Variants in ZFHX3 observed in about 807,000 individuals in gnomAD.
ZFHX3 encodes the protein zinc finger homeobox 3, also known as zinc finger homeobox protein 3.
A neutral mutation model predicts 279.1 loss-of-function variants in ZFHX3; 42 were observed. The observed-to-expected ratio is 0.15, with a 90% CI of 0.12 to 0.19. The LOEUF (loss-of-function observed/expected upper bound fraction) is 0.19. Ranked by LOEUF, ZFHX3 falls within the 10% of genes least tolerant of loss-of-function variation. The pLI is 1.00. For synonymous variants in ZFHX3, 2,293 were observed against 1,957.8 expected, an observed-to-expected ratio of 1.17 and a Z score of -4.52; for missense variants, 4,981 against 4,754.0, an observed-to-expected ratio of 1.05 and a Z score of -1.40.
Position 73,014,129 on chromosome 16 carries a change from C to A in ZFHX3, c.-50+33623G>T, listed in dbSNP as rs544805011. On this transcript the variant is annotated intron_variant, in intron 1 of 9. Coordinates refer to ENST00000268489, the MANE Select transcript of ZFHX3 (RefSeq NM_006885.4). ...GACACAGAGTGATGTGAGGAAGGGG[C>A]CATCAACCCAGAAATGTGGGGGCCT... Among the ~76,000 whole-genome samples, 58 of 152,170 alleles carry A rather than the reference C, an allele frequency of 3.8e-4. No individual in the cohort carries two copies. In the South Asian group the frequency reaches 0.012, roughly 32 times the overall value.
chr16:73,066,572 C>G (rs1965756981), intron 8 of ZFHX3, among the ~76,000 whole-genome samples: 1 of 151,824 alleles, frequency 6.6e-6, no homozygotes. Context: ...TAGGGCATGG[C>G]CCAACGGCCC....
At chr16:73,296,467 G>A (rs796911260) in intron 4 of ZFHX3, among the ~76,000 whole-genome samples, 36 of 152,240 alleles carry the variant, frequency 2.4e-4, no homozygotes, top group African/African-American at 8.4e-4. Context: ...TCCTAATATG[G>A]TGATAATCTA....
At chr16:72,930,407 A>T (rs1398538390) in intron 3 of ZFHX3, among the ~76,000 whole-genome samples, 1 of 152,116 alleles carries the variant, frequency 6.6e-6, no homozygotes, top group Non-Finnish European at 1.5e-5. Flanking sequence ...AAGAAAAATA[A>T]ACATAAGCTT....
chr16:73,715,642 G>A (rs921639276), intron 1 of ZFHX3, among the ~76,000 whole-genome samples: 18 of 140,368 alleles, frequency 1.3e-4, no homozygotes, highest in African/African-American at 2.2e-4. Context: ...GTGCGATCTC[G>A]GCTCTCTGCA....
intron 2 of ZFHX3, among the ~76,000 whole-genome samples, chr16:73,471,053 T>C (rs1023439918): frequency 6.6e-6 from 1 of 152,246 alleles, no homozygotes; most frequent in East Asian, 1.9e-4. Flanking sequence ...TTTTTTTCTT[T>C]AAATATTTCT....
Position 72,957,547 on chromosome 16 carries a change from C to T in ZFHX3, c.2599G>A (p.Ala867Thr), listed in dbSNP as rs772007732. ...AEAELYQYYL[A>T]QNMNLPNLKM... ...AGGTTGGGCAGGTTCATGTTCTGGG[C>T]CAGGTAGTATTGGTAGAGCTCGGCC... Residue 867 changes from alanine (A) to threonine (T), a missense_variant, in exon 2 of 10, where the codon GCC becomes ACC. Physicochemically the swap from Ala to Thr is moderately conservative, Grantham distance 58. Around this residue, in one of 7 missense-constraint regions of ZFHX3, gnomAD observed 1,751 missense variants for 1,770.0 expected, o/e 0.99. Transcript: ENST00000268489. The T allele has an allele frequency of 1.2e-6, 2 of 1,614,062 alleles. No homozygotes were observed. The highest frequency in any genetic ancestry group is 1.3e-5 in the African/African-American group (1 of 74,906).
intron 3 of ZFHX3, among the ~76,000 whole-genome samples, chr16:72,917,711 A>G (rs1368505890): frequency 6.6e-6 from 1 of 152,250 alleles, no homozygotes; most frequent in Non-Finnish European, 1.5e-5. Flanking sequence ...CCAAAATGAC[A>G]TATACCAAAA....
chr16:73,614,509 G>T (rs765144402), intron 2 of ZFHX3, among the ~76,000 whole-genome samples: 1 of 151,888 alleles, frequency 6.6e-6, no homozygotes, highest in African/African-American at 2.4e-5. Flanking sequence ...AAGATTCCAC[G>T]GGCACTATAT....
rs780802673 is a variant in ZFHX3 at position 72,811,793 on chromosome 16, C to A, written c.3664-16G>T. ...ACTGGTACATCTGTGGGGAACACAC[C>A]CACTGCTTTGAGCAACTGTGTGTGC... is the stretch of plus-strand genomic sequence containing the variant. On this transcript the variant is annotated splice_polypyrimidine_tract_variant and intron_variant, in intron 6 of 9. Coordinates refer to ENST00000268489, the MANE Select transcript of ZFHX3 (RefSeq NM_006885.4). 1.2e-6 allele frequency: 2 copies of A among 1,609,608 alleles called. No homozygotes were observed. The highest frequency in any genetic ancestry group is 1.1e-5 in the South Asian group (1 of 90,586).
intron 5 of ZFHX3, among the ~76,000 whole-genome samples, chr16:72,828,213 C>T (rs964691407): frequency 2.0e-5 from 3 of 152,140 alleles, no homozygotes; most frequent in Non-Finnish European, 2.9e-5. Flanking sequence ...TAAACATTTT[C>T]TCAAAAACAA....
At position 73,512,272 on chromosome 16, in the gene ZFHX3, C is replaced by CA. The variant is rs3087038; in HGVS notation, c.-1546-56015dup. ...GTGAAACCCTGTCTCCACTAAAATA[C>CA]AAAAAAAAAAAAAAAAAAAAAAAAA... On this transcript the variant is annotated intron_variant, in intron 2 of 17. Coordinates refer to the ZFHX3 transcript ENST00000641206. 4.9e-3 allele frequency among the ~76,000 whole-genome samples: 428 copies of CA among 87,832 alleles called. 6 individuals are homozygous for CA. The highest frequency in any genetic ancestry group is 7.0e-3 in the Middle Eastern group (1 of 142). 57.6% of individuals were successfully genotyped at this position (87,832 alleles called of 152,430 possible).
At chr16:73,694,266 T>C (rs2053175200) in intron 1 of ZFHX3, among the ~76,000 whole-genome samples, 1 of 152,148 alleles carries the variant, frequency 6.6e-6, no homozygotes, top group Non-Finnish European at 1.5e-5. Flanking sequence ...GAGGTTGCAG[T>C]GAGCCAAGAT....
At chr16:73,380,971 G>C (rs897873944) in intron 3 of ZFHX3, among the ~76,000 whole-genome samples, 1 of 152,132 alleles carries the variant, frequency 6.6e-6, no homozygotes, top group Non-Finnish European at 1.5e-5. Flanking sequence ...TACAGTAGCT[G>C]CTTCTCGCAT....
At chr16:73,615,226 A>G (rs1358951714) in intron 2 of ZFHX3, among the ~76,000 whole-genome samples, 1 of 151,904 alleles carries the variant, frequency 6.6e-6, no homozygotes, top group East Asian at 1.9e-4. Flanking sequence ...AGGGGAAGGA[A>G]CAGGCAAATG....
intron 2 of ZFHX3, among the ~76,000 whole-genome samples, chr16:73,625,014 C>T (rs2052402273): frequency 6.6e-6 from 1 of 152,170 alleles, no homozygotes; most frequent in Non-Finnish European, 1.5e-5. Context: ...TTTCCTGTTA[C>T]CACACTTCCA....
chr16:73,768,071 C>A (rs1284923177), intron 1 of ZFHX3, among the ~76,000 whole-genome samples: 1 of 152,120 alleles, frequency 6.6e-6, no homozygotes, highest in East Asian at 1.9e-4. Flanking sequence ...GGATTCAGGG[C>A]CTTCGGTCAA....
At chr16:73,705,925 G>A (rs530132275) in intron 1 of ZFHX3, among the ~76,000 whole-genome samples, 9 of 152,146 alleles carry the variant, frequency 5.9e-5, no homozygotes, top group Non-Finnish European at 1.3e-4. Flanking sequence ...TCCGACTCTT[G>A]TTATACCTCA....
chr16:73,361,028 C>T (rs4889199), intron 3 of ZFHX3, among the ~76,000 whole-genome samples: 133,775 of 152,234 alleles, frequency 0.88, 59,178 homozygotes, highest in Non-Finnish European at 0.92. Flanking sequence ...GAAATGGGGG[C>T]ACTTTTGGCA....
At chr16:73,796,724 A>G (rs1960000643) in intron 1 of ZFHX3, among the ~76,000 whole-genome samples, 1 of 152,128 alleles carries the variant, frequency 6.6e-6, no homozygotes, top group African/African-American at 2.4e-5. Flanking sequence ...TGGTCCAGAT[A>G]ATGCATGCTT....
Sources: gnomAD v4.1 joint callset for allele counts (sites outside exome capture counted in the v4.1 genomes callset) on GRCh38, gnomAD v4.1.1 for gene constraint, gnomAD v4.1.1 regional missense constraint, MANE v1.5 for transcripts, NCBI Gene and HGNC (gene_info 2026-07-23, HGNC 2026-07-21) for gene names.